SUCLG2: variants seen among roughly 807,000 people sequenced by gnomAD.
SUCLG2 encodes the protein succinate-CoA ligase GDP-forming subunit beta.
SUCLG2 carries 42 observed loss-of-function variants against 47.9 expected under a neutral mutation model. That is an observed-to-expected ratio of 0.88 (90% CI 0.69 to 1.14). The LOEUF (loss-of-function observed/expected upper bound fraction) is 1.14, where lower values mean the gene tolerates loss of function less well. SUCLG2 is among the 50% of genes most tolerant of loss of function. SUCLG2 has a pLI of 0.00. For synonymous variants in SUCLG2, 195 were observed against 197.3 expected, an observed-to-expected ratio of 0.99 and a Z score of 0.10; for missense variants, 571 against 525.9, an observed-to-expected ratio of 1.09 and a Z score of -0.84.
In SUCLG2 at chr3:67,435,987, G is replaced by A. The variant is rs149316318; in HGVS notation, c.1063-35136C>T. Among the ~76,000 whole-genome samples, 189 of 152,288 alleles carry A rather than the reference G, an allele frequency of 1.2e-3. 1 individual carries two copies. The highest frequency in any genetic ancestry group is 4.4e-3 in the African/African-American group (184 of 41,564). On this transcript the variant is annotated intron_variant, in intron 9 of 10. Transcript: ENST00000307227. ...CCTGAAATTGTATTTGCTATCCGAA[G>A]AGATGCATACGTTATAGCAGTAAAT...
intron 1 of SUCLG2, among the ~76,000 whole-genome samples, chr3:67,650,963 C>T (rs757043942): frequency 6.6e-6 from 1 of 152,146 alleles, no homozygotes; most frequent in Non-Finnish European, 1.5e-5. Context: ...TCTTGCCCAC[C>T]ATGGCAGTGC....
intron 9 of SUCLG2, among the ~76,000 whole-genome samples, chr3:67,412,604 C>T (rs1702953767): frequency 6.6e-6 from 1 of 152,092 alleles, no homozygotes; most frequent in African/African-American, 2.4e-5. Context: ...TCCCCCGTCC[C>T]TCCCAGCACG....
chr3:67,516,661 T>C (rs1233258501), intron 6 of SUCLG2, among the ~76,000 whole-genome samples: 1 of 152,216 alleles, frequency 6.6e-6, no homozygotes, highest in Non-Finnish European at 1.5e-5. Flanking sequence ...GCCAAGCACT[T>C]TGCCAGCTGC....
At chr3:67,516,065 G>A (rs550832690) in intron 6 of SUCLG2, among the ~76,000 whole-genome samples, 2 of 152,136 alleles carry the variant, frequency 1.3e-5, no homozygotes, top group East Asian at 3.9e-4. Context: ...AGGAACAATG[G>A]TTATTTTTCA....
intron 1 of SUCLG2, among the ~76,000 whole-genome samples, chr3:67,637,690 G>A (rs1323371069): frequency 2.0e-5 from 3 of 152,204 alleles, no homozygotes; most frequent in Non-Finnish European, 1.5e-5. Context: ...CAGGATAATG[G>A]TGGTTGACGT....
chr3:67,563,888 G>A lies in SUCLG2; in HGVS notation c.227-34702C>T, dbSNP rs1707378405. On this transcript the variant is annotated intron_variant, in intron 2 of 10. Transcript: ENST00000307227. ...AGGCAGGAGAATGGCGTGAACCCGAGAGGCGAGCTTGCAGTGAGCGGAGAT... is the reference window on the plus strand; with the variant it reads ...AGGCAGGAGAATGGCGTGAACCCGAAAGGCGAGCTTGCAGTGAGCGGAGAT... Among the ~76,000 whole-genome samples the A allele has an allele frequency of 2.0e-5, 3 of 150,136 alleles. No individual in the cohort carries two copies. In the South Asian group the frequency reaches 6.3e-4, roughly 32 times the overall value.
At chr3:67,433,727 G>C (rs1470465094) in intron 9 of SUCLG2, among the ~76,000 whole-genome samples, 1 of 151,820 alleles carries the variant, frequency 6.6e-6, no homozygotes, top group African/African-American at 2.4e-5. Context: ...TCCAGACATT[G>C]GGTGAATTAA....
At chr3:67,640,985 G>T (rs1163997213) in intron 1 of SUCLG2, among the ~76,000 whole-genome samples, 2 of 152,114 alleles carry the variant, frequency 1.3e-5, no homozygotes, top group Non-Finnish European at 2.9e-5. Flanking sequence ...AAAGAGAATG[G>T]TTAAAAACTA....
Position 67,461,704 on chromosome 3 carries a change from A to G in SUCLG2, c.1062+34094T>C, listed in dbSNP as rs373134944. Among the ~76,000 whole-genome samples the G allele has an allele frequency of 3.3e-5, 5 of 152,194 alleles. 1 individual carries two copies. The highest frequency in any genetic ancestry group is 1.2e-4 in the African/African-American group (5 of 41,536). Reference sequence around the variant, plus strand: ...TGACCTCTTCCTGCCAGATGCTAGTAGCATACCCACTCCAAAATGACAATA... The same window carrying G: ...TGACCTCTTCCTGCCAGATGCTAGTGGCATACCCACTCCAAAATGACAATA... On this transcript the variant is annotated intron_variant, in intron 9 of 10. Transcript: ENST00000307227.
chr3:67,421,235 G>A (rs148381571), intron 9 of SUCLG2, among the ~76,000 whole-genome samples: 2 of 152,196 alleles, frequency 1.3e-5, no homozygotes, highest in Admixed American at 1.3e-4. Flanking sequence ...TGTCATTAAA[G>A]ACCCATTTTA....
At position 67,440,454 on chromosome 3, in the gene SUCLG2, A is replaced by G. The variant is rs139971771; in HGVS notation, c.1063-39603T>C. On this transcript the variant is annotated intron_variant, in intron 9 of 10. Coordinates refer to ENST00000307227, the MANE Select transcript of SUCLG2 (RefSeq NM_003848.4). ...ACAAGAGTGAACAGGCAACCTACAG[A>G]ATGGGAGAAAATTTTTGCAATCTAC... 1.8e-3 allele frequency among the ~76,000 whole-genome samples: 273 copies of G among 152,320 alleles called. 11 individuals carry two copies. In the East Asian group the frequency reaches 0.041, roughly 23 times the overall value.
chr3:67,377,658 T>G (rs1702062775), intron 10 of SUCLG2, among the ~76,000 whole-genome samples: 1 of 152,166 alleles, frequency 6.6e-6, no homozygotes, highest in Admixed American at 6.5e-5. Context: ...TGTTTTGTCT[T>G]GCTTTTTGTT....
intron 10 of SUCLG2, among the ~76,000 whole-genome samples, chr3:67,364,867 C>CAGTTTAAAGCAACCATCATAAAAAATG (rs1701855663): frequency 6.6e-6 from 1 of 152,118 alleles, no homozygotes; most frequent in Non-Finnish European, 1.5e-5. Flanking sequence ...ATCTAACGGA[C>CAGTTTAAAGCAACCATCATAAAAAATG]AGTTTAAAGC....
In SUCLG2 at chr3:67,654,557, C is replaced by T; in HGVS notation, c.30G>A (p.Gly10=). Residue 10 remains glycine, a synonymous_variant, in exon 1 of 11, where the codon GGG becomes GGA. Transcript: ENST00000307227. Reference sequence around the variant, plus strand: ...GCAGCGCTAGGGCTCGCAGAAGCTTCCCGGCCTGCGCTGCTACGGGGGACG... The same window carrying T: ...GCAGCGCTAGGGCTCGCAGAAGCTTTCCGGCCTGCGCTGCTACGGGGGACG... The part of the protein sequence containing the change: MASPVAAQA[G]KLLRALALRP... 1 of 1,272,464 alleles carries T rather than the reference C, an allele frequency of 7.9e-7. No individual in the cohort carries two copies. Among genetic ancestry groups the T allele is most frequent in the Non-Finnish European group, 9.9e-7 (1 of 1,006,624 alleles). The allele number at this position is 1,272,464 out of a possible 1,614,324, so 78.8% of individuals were successfully genotyped here. A position where few individuals can be genotyped will look rare whatever the true frequency, so the allele number is the denominator to read the frequency against.
At chr3:67,489,271 A>G (rs539829715) in intron 9 of SUCLG2, among the ~76,000 whole-genome samples, 1 of 152,316 alleles carries the variant, frequency 6.6e-6, no homozygotes, top group Middle Eastern at 3.4e-3. Context: ...AAGATATGCA[A>G]AAATCAACAT....
chr3:67,542,149 C>T (rs1179140487), intron 2 of SUCLG2, among the ~76,000 whole-genome samples: 5 of 152,162 alleles, frequency 3.3e-5, no homozygotes, highest in East Asian at 1.9e-4. Flanking sequence ...GCTGGGATTA[C>T]AGGCGTGAGC....
chr3:67,638,427 A>G (rs1350655922), intron 1 of SUCLG2, among the ~76,000 whole-genome samples: 2 of 152,144 alleles, frequency 1.3e-5, no homozygotes, highest in Admixed American at 1.3e-4. Context: ...TTCACCTCCT[A>G]GTTGACAGTG....
At position 67,444,070 on chromosome 3, in the gene SUCLG2, GC is replaced by G. The variant is rs1279998320; in HGVS notation, c.1063-43220del. ...GTCCGGGAGGGAGGTGGAGGGGTCAGCCCCCCGCCTGGCCAGCCGCGCCGTC... is the reference window on the plus strand; with the variant it reads ...GTCCGGGAGGGAGGTGGAGGGGTCAGCCCCCGCCTGGCCAGCCGCGCCGTC... On this transcript the variant is annotated intron_variant, in intron 9 of 10. Coordinates refer to ENST00000307227, the MANE Select transcript of SUCLG2 (RefSeq NM_003848.4). Among the ~76,000 whole-genome samples the G allele has an allele frequency of 1.3e-3, 141 of 111,110 alleles. 5 individuals are homozygous for G. Among genetic ancestry groups the G allele is most frequent in the Admixed American group, 9.9e-3 (99 of 9,976 alleles). 72.9% of individuals were successfully genotyped at this position (111,110 alleles called of 152,430 possible).
chr3:67,498,617 AT>A (rs1210437279), intron 7 of SUCLG2, among the ~76,000 whole-genome samples: 1 of 152,218 alleles, frequency 6.6e-6, no homozygotes, highest in East Asian at 1.9e-4. Context: ...TTGATTCATT[AT>A]TTTTATTATA....
Sources: gnomAD v4.1 joint callset for allele counts (sites outside exome capture counted in the v4.1 genomes callset) on GRCh38, gnomAD v4.1.1 for gene constraint, MANE v1.5 for transcripts, NCBI Gene and HGNC (gene_info 2026-07-23, HGNC 2026-07-21) for gene names.